The following AP3B1 variants were observed in gnomAD, a reference collection of about 807,000 sequenced individuals.
AP3B1 encodes the protein AP-3 complex subunit beta-1.
A neutral mutation model predicts 132.5 loss-of-function variants in AP3B1; 61 were observed. The observed-to-expected ratio is 0.46, with a 90% CI of 0.37 to 0.57. AP3B1 has a LOEUF of 0.57. Among genes scored for constraint, AP3B1 ranks in the 20% least tolerant of loss-of-function variants. The probability of loss-of-function intolerance (pLI) is 0.00; values close to 1 mark genes in which losing one functional copy is unlikely to be tolerated. For missense variants in AP3B1, 1,120 were observed against 1,289.4 expected, an observed-to-expected ratio of 0.87 and a Z score of 2.01; for synonymous variants, 388 against 438.3, an observed-to-expected ratio of 0.89 and a Z score of 1.43.
chr5:78,099,558 C>G lies in AP3B1; in HGVS notation c.2470+1395G>C, dbSNP rs1257642701. Among the ~76,000 whole-genome samples the G allele has an allele frequency of 2.0e-5, 3 of 152,084 alleles. No homozygotes were observed. The East Asian group carries it at 5.8e-4, about 29-fold the overall frequency. On this transcript the variant is annotated intron_variant, in intron 21 of 26. Transcript: ENST00000255194. ...GTTTAAAACAAGAAAGAAATAAGAT[C>G]TGATTTTATCAGTAGTTTATCAGTA...
At chr5:78,195,266 C>A (rs183068762) in intron 7 of AP3B1, among the ~76,000 whole-genome samples, 6 of 152,206 alleles carry the variant, frequency 3.9e-5, no homozygotes, top group African/African-American at 7.2e-5. Context: ...AGTGCAGCTA[C>A]GTGATGTATA....
At chr5:78,162,266 T>C (rs1215926347) in intron 13 of AP3B1, among the ~76,000 whole-genome samples, 1 of 152,138 alleles carries the variant, frequency 6.6e-6, no homozygotes, top group African/African-American at 2.4e-5. Flanking sequence ...ATATTACCTA[T>C]CCAGTTTTAC....
chr5:78,212,940 C>G (rs993543623), intron 7 of AP3B1, among the ~76,000 whole-genome samples: 5 of 152,010 alleles, frequency 3.3e-5, no homozygotes, highest in Admixed American at 6.6e-5. Context: ...TGCAGTGGTG[C>G]GATCTCGGCT....
intron 22 of AP3B1, among the ~76,000 whole-genome samples, chr5:78,061,841 T>G (rs1580298363): frequency 6.6e-6 from 1 of 152,176 alleles, no homozygotes; most frequent in East Asian, 1.9e-4. Context: ...TCCACCCTTC[T>G]TTTTCTTCTT....
chr5:78,062,849 A>G (rs1054695753), intron 22 of AP3B1, among the ~76,000 whole-genome samples: 2 of 152,224 alleles, frequency 1.3e-5, no homozygotes, highest in African/African-American at 4.8e-5. Context: ...AGGGAAGGTC[A>G]GCGAGGTGCC....
chr5:78,168,390 A>G (rs1015331817), intron 11 of AP3B1, among the ~76,000 whole-genome samples: 3 of 151,732 alleles, frequency 2.0e-5, no homozygotes, highest in African/African-American at 7.3e-5. Context: ...AGCTCAGCTT[A>G]TTTTAAATTT....
intron 7 of AP3B1, among the ~76,000 whole-genome samples, chr5:78,201,277 C>T (rs1464503863): frequency 6.6e-6 from 1 of 152,154 alleles, no homozygotes; most frequent in Non-Finnish European, 1.5e-5. Context: ...ATATATCCAC[C>T]TTATGATCCA....
At chr5:78,210,913 A>G (rs1032980959) in intron 7 of AP3B1, among the ~76,000 whole-genome samples, 1 of 152,156 alleles carries the variant, frequency 6.6e-6, no homozygotes, top group Admixed American at 6.5e-5. Flanking sequence ...GAAATCTCCC[A>G]TAATAGGCTT....
At chr5:78,113,985 G>T in intron 18 of AP3B1, 62 bp from the exon 19 acceptor site, 1 of 1,543,394 alleles carries the variant, frequency 6.5e-7, no homozygotes, top group Non-Finnish European at 8.8e-7. Flanking sequence ...ACGGACACCT[G>T]TAACTGTCAA....
At position 78,094,394 on chromosome 5, in the gene AP3B1, A is replaced by G. The variant is rs912097867; in HGVS notation, c.2471-4895T>C. Among the ~76,000 whole-genome samples the G allele has an allele frequency of 3.9e-5, 6 of 152,364 alleles. No individual in the cohort carries two copies. In the East Asian group the frequency reaches 1.2e-3, roughly 29 times the overall value. ...TGGAAGTTTTATAGTCTTTAAAAAA[A>G]TTACAAATGAATAAAATGAGACACA... On this transcript the variant is annotated intron_variant, in intron 21 of 26. Coordinates refer to ENST00000255194, the MANE Select transcript of AP3B1 (RefSeq NM_003664.5).
At chr5:78,081,630 G>C (rs1333837525) in intron 22 of AP3B1, among the ~76,000 whole-genome samples, 1 of 152,014 alleles carries the variant, frequency 6.6e-6, no homozygotes, top group Non-Finnish European at 1.5e-5. Context: ...GTGAATTACT[G>C]TAACACTATC....
intron 6 of AP3B1, among the ~76,000 whole-genome samples, chr5:78,223,027 C>CTTTTTTTTTTTTTTTT: frequency 7.8e-6 from 1 of 127,818 alleles, no homozygotes; most frequent in Admixed American, 7.9e-5. Flanking sequence ...TTGTTTGTTT[C>CTTTTTTTTTTTTTTTT]TTTTTTTTTT....
Position 78,288,031 on chromosome 5 carries a change from T to C in AP3B1, c.128+6421A>G, listed in dbSNP as rs111680924. On this transcript the variant is annotated intron_variant, in intron 1 of 26. Coordinates refer to ENST00000255194, the MANE Select transcript of AP3B1 (RefSeq NM_003664.5). The stretch of plus-strand genomic sequence containing the variant: ...GAGCACAAGAGAAAGGAATTCACAA[T>C]GAGGAAGGAGCCCGTGCCTCTTCAT... Among the ~76,000 whole-genome samples the C allele has an allele frequency of 8.7e-3, 1,327 of 152,296 alleles. 12 individuals are homozygous for C. The highest frequency in any genetic ancestry group is 0.012 in the Non-Finnish European group (822 of 68,016).
At chr5:78,241,126 A>C (rs188025645) in intron 2 of AP3B1, among the ~76,000 whole-genome samples, 190 bp from the exon 3 acceptor site, 2 of 152,296 alleles carry the variant, frequency 1.3e-5, no homozygotes, top group East Asian at 3.9e-4. Flanking sequence ...TAGACACAAT[A>C]AACAAGAAAT....
chr5:78,129,209 C>T lies in AP3B1; in HGVS notation c.1749G>A (p.Pro583=), dbSNP rs201238945. ...TACTTAAAGCTCCACTCTTTACATT[C>T]GGAACAATAAGCTGCCTAATAAATC... is the stretch of plus-strand genomic sequence containing the variant. ...RTRFIRQLIV[P]NVKSGALSKY... is the part of the protein sequence containing the mutation. Residue 583 remains proline (P), a synonymous_variant, in exon 16 of 27, where the codon CCG becomes CCA. Transcript: ENST00000255194. 190 of 1,612,996 alleles carry T rather than the reference C, an allele frequency of 1.2e-4. No homozygotes were observed. Among genetic ancestry groups the T allele is most frequent in the East Asian group, 1.1e-3 (49 of 44,822 alleles).
chr5:78,225,077 C>CCGCA (rs1480545376), intron 6 of AP3B1, among the ~76,000 whole-genome samples: 2 of 152,062 alleles, frequency 1.3e-5, no homozygotes, highest in African/African-American at 4.8e-5. Flanking sequence ...CTACACAGGG[C>CCGCA]TACTGCCTAC....
chr5:78,207,434 A>T (rs1323407039), intron 7 of AP3B1, among the ~76,000 whole-genome samples: 2 of 152,140 alleles, frequency 1.3e-5, no homozygotes, highest in African/African-American at 4.8e-5. Flanking sequence ...CTCAAAAAAA[A>T]GAAAAAAGGA....
At chr5:78,107,875 A>G (rs953006664) in intron 20 of AP3B1, among the ~76,000 whole-genome samples, 6 of 152,256 alleles carry the variant, frequency 3.9e-5, no homozygotes, top group Non-Finnish European at 8.8e-5. Context: ...ATTTTTAAAA[A>G]TGTTAAAACT....
chr5:78,019,400 C>CA (rs1561356645), intron 25 of AP3B1, among the ~76,000 whole-genome samples: 1 of 151,906 alleles, frequency 6.6e-6, no homozygotes, highest in South Asian at 2.1e-4. Flanking sequence ...CTGCACTTTT[C>CA]AAAAAAAGAA....
Sources: gnomAD v4.1 joint callset for allele counts (sites outside exome capture counted in the v4.1 genomes callset) on GRCh38, gnomAD v4.1.1 for gene constraint, MANE v1.5 for transcripts, NCBI Gene and HGNC (gene_info 2026-07-23, HGNC 2026-07-21) for gene names.